The following TMEM163 variants were observed in gnomAD, a reference collection of about 807,000 sequenced individuals.
TMEM163 encodes transmembrane protein 163.
A neutral mutation model predicts 29.3 loss-of-function variants in TMEM163; 17 were observed. The ratio of observed to expected loss-of-function variants is 0.58; its 90% CI spans 0.40 to 0.87. The LOEUF (loss-of-function observed/expected upper bound fraction) is 0.87, where lower values mean the gene tolerates loss of function less well. TMEM163 is among the 40% of genes least tolerant of loss of function. The pLI is 0.00. For missense variants in TMEM163, 303 were observed against 381.5 expected, an observed-to-expected ratio of 0.79 and a Z score of 1.71; for synonymous variants, 157 against 160.6, an observed-to-expected ratio of 0.98 and a Z score of 0.17.
intron 6 of TMEM163, among the ~76,000 whole-genome samples, chr2:134,459,483 G>GGAAC (rs1558909261): frequency 6.6e-6 from 1 of 152,050 alleles, no homozygotes; most frequent in African/African-American, 2.4e-5. Flanking sequence ...CTCCTTCCCA[G>GGAAC]ATTGGATTGG....
intron 2 of TMEM163, among the ~76,000 whole-genome samples, chr2:134,686,327 C>G (rs183230078): frequency 2.0e-5 from 3 of 152,282 alleles, no homozygotes; most frequent in Non-Finnish European, 2.9e-5. Context: ...ATATGGGTTG[C>G]GAAGCCTGCC....
chr2:134,688,713 C>T (rs926229292), intron 2 of TMEM163, among the ~76,000 whole-genome samples: 2 of 152,192 alleles, frequency 1.3e-5, no homozygotes, highest in African/African-American at 4.8e-5. Flanking sequence ...CTTCAATCTT[C>T]ATCAAAGTAT....
chr2:134,640,386 G>A (rs985412213), intron 2 of TMEM163, among the ~76,000 whole-genome samples: 17 of 152,136 alleles, frequency 1.1e-4, no homozygotes, highest in Admixed American at 9.2e-4. Flanking sequence ...AGCTTTTGCA[G>A]GGTGCCTAGC....
At chr2:134,652,286 T>C (rs1475104975) in intron 2 of TMEM163, among the ~76,000 whole-genome samples, 8 of 65,760 alleles carry the variant, frequency 1.2e-4, no homozygotes, top group Non-Finnish European at 1.2e-4. Context: ...GATTCCTAGG[T>C]ATTTTATTCT....
At chr2:134,675,674 T>C (rs1382477857) in intron 2 of TMEM163, among the ~76,000 whole-genome samples, 2 of 152,216 alleles carry the variant, frequency 1.3e-5, no homozygotes, top group African/African-American at 4.8e-5. Flanking sequence ...GTGGATTCTG[T>C]TGCTTAGCTT....
rs1255989383 is a variant in TMEM163 at position 134,718,801 on chromosome 2, C to G, written c.135G>C (p.Gln45His). Reference protein sequence around the residue: ...PLSSPVREPPQLEEERQVRIS... With the variant: ...PLSSPVREPPHLEEERQVRIS... ...TCCGCACCTGCCGCTCCTCCTCCAG[C>G]TGGGGCGGCTCGCGCACCGGGGAGC... is the stretch of plus-strand genomic sequence containing the variant. Residue 45 changes from glutamine (Q) to histidine (H), a missense_variant, in exon 1 of 8, where the codon CAG (glutamine) becomes CAC (histidine). Gln to His is a conservative substitution (Grantham distance 24, BLOSUM62 0). Transcript: ENST00000281924. 2.6e-6 allele frequency: 3 copies of G among 1,144,336 alleles called. No individual in the cohort carries two copies. The highest frequency in any genetic ancestry group is 3.3e-5 in the African/African-American group (2 of 61,204). 70.9% of individuals were successfully genotyped at this position (1,144,336 alleles called of 1,614,324 possible). A position where few individuals can be genotyped will look rare whatever the true frequency, so the allele number is the denominator to read the frequency against.
rs565116891 is a variant in TMEM163 at position 134,586,266 on chromosome 2, G to A, written c.323-34175C>T. Among the ~76,000 whole-genome samples, 33 of 152,318 alleles carry A rather than the reference G, an allele frequency of 2.2e-4. 2 individuals carry two copies. Among genetic ancestry groups the A allele is most frequent in the Middle Eastern group, 6.8e-3 (2 of 294 alleles). ...AACACAAACTAGGTGGCTTAACCAG[G>A]AGAACTTTATTGTCTGAGTTCTAGA... On this transcript the variant is annotated intron_variant, in intron 2 of 7. Coordinates refer to ENST00000281924, the MANE Select transcript of TMEM163 (RefSeq NM_030923.5).
chr2:134,477,304 T>C lies in TMEM163; in HGVS notation c.556-11079A>G, dbSNP rs188416904. 3.9e-5 allele frequency among the ~76,000 whole-genome samples: 6 copies of C among 152,344 alleles called. No individual in the cohort carries two copies. The South Asian group carries it at 8.3e-4, about 21-fold the overall frequency. ...GGAACTTACAACCTAGTTAGAGAGATAGACACATAAGCCACTAACTGTACC... is the reference window on the plus strand; with the variant it reads ...GGAACTTACAACCTAGTTAGAGAGACAGACACATAAGCCACTAACTGTACC... On this transcript the variant is annotated intron_variant, in intron 5 of 7. Transcript: ENST00000281924.
intron 5 of TMEM163, among the ~76,000 whole-genome samples, chr2:134,496,587 T>A (rs1679566876): frequency 6.6e-6 from 1 of 152,024 alleles, no homozygotes; most frequent in Non-Finnish European, 1.5e-5. Context: ...GGAGACCAAA[T>A]GACGCTAATG....
intron 2 of TMEM163, among the ~76,000 whole-genome samples, chr2:134,615,332 C>G (rs566096928): frequency 6.6e-6 from 1 of 152,278 alleles, no homozygotes; most frequent in South Asian, 2.1e-4. Context: ...ATGGTGAAAT[C>G]ATTAATGCTT....
At chr2:134,582,705 A>G (rs111423586) in intron 2 of TMEM163, among the ~76,000 whole-genome samples, 16 of 152,290 alleles carry the variant, frequency 1.1e-4, no homozygotes, top group African/African-American at 3.8e-4. Context: ...CTGTCTCTGA[A>G]ACAAGGAAGA....
chr2:134,682,708 G>A (rs543723432), intron 2 of TMEM163, among the ~76,000 whole-genome samples: 1 of 152,330 alleles, frequency 6.6e-6, no homozygotes, highest in South Asian at 2.1e-4. Context: ...ACAAAATGGT[G>A]CAGCCACTTT....
intron 2 of TMEM163, among the ~76,000 whole-genome samples, chr2:134,667,781 T>C (rs1286063633): frequency 6.6e-6 from 1 of 152,248 alleles, no homozygotes; most frequent in Admixed American, 6.5e-5. Flanking sequence ...AGTATTTGTG[T>C]GCTGTTTGTT....
intron 2 of TMEM163, among the ~76,000 whole-genome samples, chr2:134,675,778 TAGG>T (rs1366602670): frequency 6.6e-6 from 1 of 152,136 alleles, no homozygotes; most frequent in Non-Finnish European, 1.5e-5. Context: ...TCCCAGGATT[TAGG>T]AATCAAATTT....
At chr2:134,543,609 C>G (rs1680722220) in intron 4 of TMEM163, among the ~76,000 whole-genome samples, 2 of 152,224 alleles carry the variant, frequency 1.3e-5, no homozygotes, top group African/African-American at 4.8e-5. Flanking sequence ...AATTACCTAT[C>G]CATCACTTCT....
chr2:134,663,327 A>G (rs1225564476), intron 2 of TMEM163, among the ~76,000 whole-genome samples: 1 of 152,228 alleles, frequency 6.6e-6, no homozygotes, highest in Non-Finnish European at 1.5e-5. Flanking sequence ...GTGGACCCCA[A>G]GGCCTTTGAT....
At chr2:134,487,129 A>G (rs538819288) in intron 5 of TMEM163, among the ~76,000 whole-genome samples, 1 of 152,338 alleles carries the variant, frequency 6.6e-6, no homozygotes, top group South Asian at 2.1e-4. Flanking sequence ...CACTATATTG[A>G]AAACCTTGGC....
intron 2 of TMEM163, among the ~76,000 whole-genome samples, chr2:134,604,436 GA>G (rs5834421): frequency 0.66 from 93,979 of 142,464 alleles, 31,578 homozygotes; most frequent in African/African-American, 0.81. Context: ...GCTTTTACTG[GA>G]AAAAAAAAAA....
intron 2 of TMEM163, among the ~76,000 whole-genome samples, chr2:134,646,169 C>T (rs547537841): frequency 3.4e-4 from 51 of 152,070 alleles, no homozygotes; most frequent in Middle Eastern, 6.8e-3. Context: ...ACTGCAACCT[C>T]CACCTCCCAG....
Sources: allele counts gnomAD v4.1 joint callset (sites outside exome capture counted in the v4.1 genomes callset), GRCh38; gene constraint gnomAD v4.1.1; transcripts MANE v1.5; gene names NCBI Gene and HGNC (gene_info 2026-07-23, HGNC 2026-07-21).